The following MYO3A variants were observed in gnomAD, a reference collection of about 807,000 sequenced individuals.
MYO3A encodes myosin-IIIa.
MYO3A carries 180 observed loss-of-function variants against 192.7 expected under a neutral mutation model. The observed-to-expected ratio is 0.93, with a 90% CI of 0.83 to 1.06. The LOEUF (loss-of-function observed/expected upper bound fraction) is 1.06. MYO3A is among the 50% of genes least tolerant of loss of function. The pLI, the probability that MYO3A is intolerant of heterozygous loss-of-function variation, is 0.00. For missense variants in MYO3A, 1,896 were observed against 1,905.0 expected (o/e 1.00, Z 0.09); for synonymous variants, 628 against 645.3 (o/e 0.97, Z 0.41).
Position 25,946,975 on chromosome 10 carries a change from T to G in MYO3A, c.-17-5119T>G, listed in dbSNP as rs184156304. On this transcript the variant is annotated intron_variant, in intron 2 of 34. Transcript: ENST00000642920. ...CATGTCTTTCCTTAAATTTGTGAGG[T>G]TTTTGGCCATTATTTCTTCAAATAA... Among the ~76,000 whole-genome samples the G allele has an allele frequency of 4.1e-3, 616 of 151,502 alleles. 5 individuals are homozygous for G. Among genetic ancestry groups the G allele is most frequent in the African/African-American group, 0.014 (581 of 41,244 alleles).
At chr10:26,092,189 C>T (rs1322240195) in intron 15 of MYO3A, among the ~76,000 whole-genome samples, 1 of 152,174 alleles carries the variant, frequency 6.6e-6, no homozygotes, top group African/African-American at 2.4e-5. Context: ...AAGCTTCGGC[C>T]GGGTGCGGTG....
chr10:26,198,434 A>G (rs2132183762), intron 32 of MYO3A, among the ~76,000 whole-genome samples: 1 of 152,352 alleles, frequency 6.6e-6, no homozygotes, highest in South Asian at 2.1e-4. Context: ...CGAGTAATCG[A>G]ACACAATCTT....
chr10:26,034,947 G>A (rs1014416482), intron 10 of MYO3A, among the ~76,000 whole-genome samples: 4 of 151,088 alleles, frequency 2.6e-5, no homozygotes, highest in African/African-American at 4.9e-5. Context: ...GTGTGTGTGC[G>A]CACACATCAT....
At chr10:25,974,544 C>T (rs756240059) in intron 4 of MYO3A, among the ~76,000 whole-genome samples, 1 of 152,162 alleles carries the variant, frequency 6.6e-6, no homozygotes, top group Admixed American at 6.5e-5. Context: ...AGCCACTGTT[C>T]AGGAGCTGGC....
rs2132123075 is a variant in MYO3A, at chr10:26,188,315, C to T, written c.4439-4890C>T. 1.3e-5 allele frequency among the ~76,000 whole-genome samples: 2 copies of T among 152,254 alleles called. 1 individual carries two copies. The highest frequency in any genetic ancestry group is 3.9e-4 in the East Asian group (2 of 5,190). On this transcript the variant is annotated intron_variant, in intron 31 of 34. Transcript: ENST00000642920. Reference sequence around the variant, plus strand: ...CTTTTGAGAAGTGTCTGTTCATATCCTTCGCCCACTTTTTGATGGGGTTGT... The same window carrying T: ...CTTTTGAGAAGTGTCTGTTCATATCTTTCGCCCACTTTTTGATGGGGTTGT...
chr10:26,158,650 GT>G (rs1276587370), intron 26 of MYO3A, among the ~76,000 whole-genome samples: 6 of 151,730 alleles, frequency 4.0e-5, no homozygotes, highest in African/African-American at 1.5e-4. Context: ...TAATGTGAAG[GT>G]TCAATATCTT....
At chr10:26,187,523 G>C (rs564215199) in intron 31 of MYO3A, among the ~76,000 whole-genome samples, 50 of 151,676 alleles carry the variant, frequency 3.3e-4, no homozygotes, top group African/African-American at 1.2e-3. Flanking sequence ...TAAATTTTAG[G>C]GTACATGTGC....
In MYO3A at chr10:26,174,238, G is replaced by A. The variant is rs753360802; in HGVS notation, c.3974G>A (p.Arg1325His). Residue 1325 changes from arginine to histidine, a missense_variant, in exon 30 of 35, where the codon CGT (arginine) becomes CAT (histidine). By Grantham distance (29) the Arg-to-His change is conservative (BLOSUM62 0). Coordinates refer to ENST00000642920, the MANE Select transcript of MYO3A (RefSeq NM_017433.5). ...PICSQEEGRGRLRHETVKERQ... is the reference protein window; with the variant it reads ...PICSQEEGRGHLRHETVKERQ... Reference sequence around the variant, plus strand: ...TGCAGCCAGGAGGAAGGCAGAGGCCGTCTGAGGCATGAGACAGTCAAAGAG... The same window carrying A: ...TGCAGCCAGGAGGAAGGCAGAGGCCATCTGAGGCATGAGACAGTCAAAGAG... The A allele has an allele frequency of 8.1e-6, 13 of 1,613,940 alleles. No homozygotes were observed. The highest frequency in any genetic ancestry group is 3.3e-5 in the Admixed American group (2 of 60,000).
chr10:26,048,239 T>C (rs1843746209), intron 10 of MYO3A, among the ~76,000 whole-genome samples: 2 of 152,180 alleles, frequency 1.3e-5, no homozygotes, highest in African/African-American at 4.8e-5. Context: ...TTGTTTGCTT[T>C]CCCATTTACT....
Position 26,174,092 on chromosome 10 carries a change from A to G in MYO3A, c.3828A>G (p.Glu1276=). Residue 1276 remains glutamate, a synonymous_variant, in exon 30 of 35, where the codon GAA becomes GAG. Transcript: ENST00000642920. The part of the protein sequence containing the change: ...RPSYPVPWLA[E]NETSFKKTLE... Reference sequence around the variant, plus strand: ...GCTACCCAGTGCCTTGGTTAGCTGAAAATGAGACTTCCTTTAAAAAAACTT... The same window carrying G: ...GCTACCCAGTGCCTTGGTTAGCTGAGAATGAGACTTCCTTTAAAAAAACTT... 2.5e-6 allele frequency: 4 copies of G among 1,614,242 alleles called. No homozygotes were observed. The highest frequency in any genetic ancestry group is 2.5e-6 in the Non-Finnish European group (3 of 1,180,040).
intron 31 of MYO3A, among the ~76,000 whole-genome samples, chr10:26,180,516 G>A (rs1842571513): frequency 6.6e-6 from 1 of 152,058 alleles, no homozygotes; most frequent in Non-Finnish European, 1.5e-5. Context: ...AATGCAATAA[G>A]ACAGCAAAGA....
chr10:26,140,215 A>T (rs1840070101), intron 20 of MYO3A, among the ~76,000 whole-genome samples: 1 of 152,202 alleles, frequency 6.6e-6, no homozygotes, highest in Non-Finnish European at 1.5e-5. Context: ...GTCTCAGCCC[A>T]TGGTGACCAC....
At chr10:26,155,227 G>C (rs1402774684) in intron 25 of MYO3A, among the ~76,000 whole-genome samples, 1 of 152,174 alleles carries the variant, frequency 6.6e-6, no homozygotes, top group African/African-American at 2.4e-5. Flanking sequence ...CACCCTGCCT[G>C]TACAGAGCTA....
intron 4 of MYO3A, among the ~76,000 whole-genome samples, chr10:25,989,051 C>T (rs1295810239): frequency 6.6e-6 from 1 of 150,730 alleles, no homozygotes; most frequent in Non-Finnish European, 1.5e-5. Flanking sequence ...TCATGCAATC[C>T]TGCCTCAGCC....
intron 4 of MYO3A, among the ~76,000 whole-genome samples, chr10:25,971,443 C>T (rs1175604145): frequency 6.6e-6 from 1 of 152,048 alleles, no homozygotes; most frequent in Non-Finnish European, 1.5e-5. Flanking sequence ...TACTAGTGCT[C>T]TTTGTTTTCT....
intron 14 of MYO3A, among the ~76,000 whole-genome samples, chr10:26,080,278 G>A (rs549817611): frequency 1.3e-5 from 2 of 151,962 alleles, no homozygotes; most frequent in Non-Finnish European, 1.5e-5. Flanking sequence ...CCTTGTCTTC[G>A]AGCTCTGAAT....
At chr10:25,937,112 A>G (rs376420689) in intron 2 of MYO3A, among the ~76,000 whole-genome samples, 1 of 152,150 alleles carries the variant, frequency 6.6e-6, no homozygotes, top group Non-Finnish European at 1.5e-5. Flanking sequence ...GTATTTTCAA[A>G]TTAGTAAATT....
chr10:26,074,461 A>C (rs1298648712), intron 14 of MYO3A, among the ~76,000 whole-genome samples: 2 of 151,586 alleles, frequency 1.3e-5, no homozygotes, highest in African/African-American at 4.8e-5. Flanking sequence ...AAATATCCTC[A>C]TGCAGTTTGG....
At chr10:26,017,993 TA>T (rs1443486292) in intron 7 of MYO3A, among the ~76,000 whole-genome samples, 2 of 149,574 alleles carry the variant, frequency 1.3e-5, no homozygotes, top group African/African-American at 4.9e-5. Flanking sequence ...AATATAATAA[TA>T]AATAATATTA....
Sources: allele counts gnomAD v4.1 joint callset (sites outside exome capture counted in the v4.1 genomes callset), GRCh38; gene constraint gnomAD v4.1.1; transcripts MANE v1.5; gene names NCBI Gene and HGNC (gene_info 2026-07-23, HGNC 2026-07-21).